Variants in MAST4 observed in about 807,000 individuals in gnomAD.
The protein encoded by MAST4 is microtubule-associated serine/threonine-protein kinase 4.
A neutral mutation model predicts 162.7 loss-of-function variants in MAST4; 89 were observed. The observed-to-expected ratio is 0.55, with a 90% CI of 0.46 to 0.65. The LOEUF (loss-of-function observed/expected upper bound fraction) is 0.65. MAST4 is among the 30% of genes least tolerant of loss of function. The pLI is 0.00. For missense variants in MAST4, 3,153 were observed against 3,374.0 expected, an observed-to-expected ratio of 0.93 and a Z score of 1.62; for synonymous variants, 1,479 against 1,361.1, an observed-to-expected ratio of 1.09 and a Z score of -1.91.
At chr5:67,113,942 C>A in intron 11 of MAST4, 145 bp from the exon 12 acceptor site, 1 of 789,130 alleles carries the variant, frequency 1.3e-6, no homozygotes, top group Non-Finnish European at 2.0e-6. Context: ...GAATTACATA[C>A]TTTTTAAAGC....
intron 1 of MAST4, among the ~76,000 whole-genome samples, chr5:66,685,873 C>T (rs971108519): frequency 4.6e-5 from 7 of 152,064 alleles, no homozygotes; most frequent in African/African-American, 1.7e-4. Flanking sequence ...TTTCCATAGA[C>T]TGGGAGGAGG....
intron 1 of MAST4, among the ~76,000 whole-genome samples, chr5:66,718,780 C>T (rs1156990027): frequency 1.3e-5 from 2 of 152,126 alleles, no homozygotes; most frequent in African/African-American, 4.8e-5. Flanking sequence ...ATCATGCATT[C>T]GAGGGCTTGT....
chr5:66,608,827 G>T (rs1016247345), intron 1 of MAST4, among the ~76,000 whole-genome samples: 3 of 152,020 alleles, frequency 2.0e-5, no homozygotes, highest in African/African-American at 7.2e-5. Flanking sequence ...GGGGGAGAAC[G>T]CGAGTCTTCT....
At chr5:66,698,881 C>A (rs1749581964) in intron 1 of MAST4, among the ~76,000 whole-genome samples, 2 of 152,196 alleles carry the variant, frequency 1.3e-5, no homozygotes, top group African/African-American at 4.8e-5. Flanking sequence ...TGGGCATAAC[C>A]CTTCTGTGGG....
At chr5:67,068,480 C>T (rs962409256) in intron 5 of MAST4, among the ~76,000 whole-genome samples, 4 of 152,152 alleles carry the variant, frequency 2.6e-5, no homozygotes, top group Admixed American at 6.5e-5. Context: ...CTCCCTATCA[C>T]GAGAATAGCA....
intron 1 of MAST4, among the ~76,000 whole-genome samples, chr5:66,647,507 A>C (rs1022446672): frequency 3.9e-5 from 6 of 152,206 alleles, no homozygotes; most frequent in African/African-American, 1.4e-4. Flanking sequence ...GTTTTATATA[A>C]ATAAACCAAA....
Position 67,152,842 on chromosome 5 carries a change from C to T in MAST4, c.3501C>T (p.Ile1167=). The T allele has an allele frequency of 6.2e-7, 1 of 1,613,964 alleles. No homozygotes were observed. The highest frequency in any genetic ancestry group is 8.5e-7 in the Non-Finnish European group (1 of 1,179,840). The change falls in exon 25 of 29, where the codon ATC becomes ATT. Residue 1167 remains isoleucine, a synonymous_variant. Transcript: ENST00000403625. Reference sequence around the variant, plus strand: ...GGGTGTATGTGGGAGACAGTGACATCTATACAGTGCACCATATCGTCTGGG... The same window carrying T: ...GGGTGTATGTGGGAGACAGTGACATTTATACAGTGCACCATATCGTCTGGG... ...AIRVYVGDSD[I]YTVHHIVWNV...
At chr5:66,985,506 T>A (rs1749379653) in intron 4 of MAST4, among the ~76,000 whole-genome samples, 1 of 152,238 alleles carries the variant, frequency 6.6e-6, no homozygotes, top group African/African-American at 2.4e-5. Context: ...GCCTTTCCCT[T>A]CTTTGTTACC....
At chr5:66,980,809 C>T (rs945670960) in intron 4 of MAST4, among the ~76,000 whole-genome samples, 2 of 152,158 alleles carry the variant, frequency 1.3e-5, no homozygotes, top group African/African-American at 4.8e-5. Flanking sequence ...AAGGAATCTT[C>T]AGTTTTAGAA....
intron 1 of MAST4, among the ~76,000 whole-genome samples, chr5:66,741,348 A>G (rs1752467049): frequency 1.3e-5 from 2 of 152,222 alleles, no homozygotes; most frequent in Non-Finnish European, 2.9e-5. Flanking sequence ...CACAGTGGCC[A>G]AACCACACTT....
At chr5:66,881,641 T>G (rs1761702694) in intron 3 of MAST4, among the ~76,000 whole-genome samples, 2 of 152,198 alleles carry the variant, frequency 1.3e-5, no homozygotes, top group East Asian at 3.8e-4. Context: ...AAGACTTGTG[T>G]AACAGGAAAT....
At chr5:66,633,498 A>G (rs13169051) in intron 1 of MAST4, among the ~76,000 whole-genome samples, 11,987 of 152,188 alleles carry the variant, frequency 0.079, 600 homozygotes, top group African/African-American at 0.13. Flanking sequence ...AATGTTTTTT[A>G]ATTAAAAATA....
At chr5:66,777,775 GA>G (rs542698702) in intron 2 of MAST4, among the ~76,000 whole-genome samples, 101 of 152,258 alleles carry the variant, frequency 6.6e-4, no homozygotes, top group African/African-American at 2.4e-3. Flanking sequence ...GGAGGTTTTA[GA>G]AAGGTGTAGA....
intron 3 of MAST4, among the ~76,000 whole-genome samples, chr5:66,857,757 T>G (rs1321546064): frequency 1.3e-5 from 2 of 152,192 alleles, no homozygotes; most frequent in Non-Finnish European, 2.9e-5. Flanking sequence ...ATGTATCTGT[T>G]TTAGATATTA....
intron 4 of MAST4, among the ~76,000 whole-genome samples, chr5:66,958,006 C>A (rs922625475): frequency 6.6e-6 from 1 of 152,140 alleles, no homozygotes; most frequent in African/African-American, 2.4e-5. Flanking sequence ...CAACTGTGTG[C>A]CCTCAGTTTC....
intron 1 of MAST4, among the ~76,000 whole-genome samples, chr5:66,666,886 G>A (rs1476697172): frequency 6.6e-6 from 1 of 152,240 alleles, no homozygotes; most frequent in African/African-American, 2.4e-5. Context: ...CTATAATGAA[G>A]TGTTGCCAAT....
At chr5:66,597,322 G>C (rs761377019) in intron 1 of MAST4, among the ~76,000 whole-genome samples, 3 of 152,238 alleles carry the variant, frequency 2.0e-5, no homozygotes, top group Non-Finnish European at 4.4e-5. Flanking sequence ...GAAAGGATGC[G>C]ATCTGGACAT....
intron 5 of MAST4, among the ~76,000 whole-genome samples, chr5:67,078,884 ATTTATATATTTATATATTTTTAT>A (rs1454690714): frequency 7.4e-4 from 71 of 95,800 alleles, no homozygotes; most frequent in Non-Finnish European, 1.2e-3. Flanking sequence ...ATATAAATAT[ATTTATATATTTATATATTTTTAT>A]ATAAATATAT....
At chr5:67,088,254 C>T (rs1313295428) in intron 5 of MAST4, among the ~76,000 whole-genome samples, 2 of 152,124 alleles carry the variant, frequency 1.3e-5, no homozygotes, top group Admixed American at 1.3e-4. Context: ...ACAAAGAACA[C>T]AGGGCTAAGA....
Sources: gnomAD v4.1 joint callset for allele counts (sites outside exome capture counted in the v4.1 genomes callset) on GRCh38, gnomAD v4.1.1 for gene constraint, MANE v1.5 for transcripts, NCBI Gene and HGNC (gene_info 2026-07-23, HGNC 2026-07-21) for gene names.